ULK4: variants seen among roughly 807,000 people sequenced by gnomAD.
The protein encoded by ULK4 is unc-51 like kinase 4, also known as inactive serine/threonine-protein kinase ULK4.
A neutral mutation model predicts 160.6 loss-of-function variants in ULK4; 133 were observed. The ratio of observed to expected loss-of-function variants is 0.83; its 90% CI spans 0.72 to 0.96. ULK4 has a LOEUF of 0.96. Among genes scored for constraint, ULK4 ranks in the 40% least tolerant of loss-of-function variants. The pLI is 0.00. For synonymous variants in ULK4, 534 were observed against 539.8 expected (o/e 0.99, Z 0.15); for missense variants, 1,580 against 1,499.5 (o/e 1.05, Z -0.89).
chr3:41,658,954 C>G (rs1437102063), intron 30 of ULK4, among the ~76,000 whole-genome samples: 1 of 152,136 alleles, frequency 6.6e-6, no homozygotes, highest in Non-Finnish European at 1.5e-5. Flanking sequence ...CAAAGCGGCA[C>G]AAGGGAACTT....
intron 22 of ULK4, among the ~76,000 whole-genome samples, chr3:41,735,868 A>T (rs1477571204): frequency 3.9e-5 from 4 of 103,830 alleles, no homozygotes; most frequent in Middle Eastern, 7.4e-3. Context: ...CAGTCCCCAG[A>T]GTGTGATGTT....
rs1421646342 is a variant in ULK4 at position 41,935,846 on chromosome 3, A to C, written c.333T>G (p.His111Gln). The change falls in exon 4 of 37, where the codon CAT becomes CAG. Residue 111 changes from histidine (H) to glutamine (Q), a missense_variant. His to Gln is a conservative substitution (Grantham distance 24, BLOSUM62 0). Coordinates refer to ENST00000301831, the MANE Select transcript of ULK4 (RefSeq NM_017886.4). ...AAAAGAGAATGCCAAGTTTATGAAG[A>C]TGATGTAATCCACTAATCAGGTCAA... ...FGIDLISGLH[H>Q]LHKLGILFCD... The C allele has an allele frequency of 1.9e-6, 3 of 1,613,498 alleles. No homozygotes were observed. The highest frequency in any genetic ancestry group is 2.5e-6 in the Non-Finnish European group (3 of 1,179,808).
At chr3:41,872,634 T>C (rs1697138537) in intron 17 of ULK4, among the ~76,000 whole-genome samples, 1 of 142,976 alleles carries the variant, frequency 7.0e-6, no homozygotes, top group South Asian at 2.1e-4. Flanking sequence ...TGTTTTTATA[T>C]TCCATCCAGA....
chr3:41,914,471 G>C (rs974381239), intron 8 of ULK4, among the ~76,000 whole-genome samples: 3 of 152,196 alleles, frequency 2.0e-5, no homozygotes, highest in Admixed American at 6.5e-5. Context: ...TTGTTGCTGG[G>C]AGTGTAAATC....
chr3:41,902,455 G>A (rs1395428244), intron 12 of ULK4, among the ~76,000 whole-genome samples: 2 of 151,884 alleles, frequency 1.3e-5, no homozygotes, highest in Non-Finnish European at 2.9e-5. Flanking sequence ...GCAGGCGCCT[G>A]TAATCCCAGC....
intron 32 of ULK4, among the ~76,000 whole-genome samples, chr3:41,496,547 T>C (rs1383411423): frequency 1.3e-5 from 2 of 151,888 alleles, no homozygotes; most frequent in African/African-American, 4.8e-5. Context: ...GAGCTTGAAG[T>C]TGGAGTTTGC....
intron 21 of ULK4, among the ~76,000 whole-genome samples, chr3:41,787,037 G>C (rs985333007): frequency 1.3e-5 from 2 of 152,128 alleles, no homozygotes; most frequent in Non-Finnish European, 2.9e-5. Context: ...GACCAAGAGA[G>C]GGGCAGCCTG....
At chr3:41,509,750 C>G (rs1436779819) in intron 32 of ULK4, among the ~76,000 whole-genome samples, 1 of 152,186 alleles carries the variant, frequency 6.6e-6, no homozygotes, top group Non-Finnish European at 1.5e-5. Context: ...AGGAAAGACA[C>G]AGTCTTTTCC....
intron 31 of ULK4, among the ~76,000 whole-genome samples, chr3:41,589,034 T>C (rs77840310): frequency 0.075 from 11,409 of 152,072 alleles, 864 homozygotes; most frequent in East Asian, 0.46. Context: ...ATGGATATTC[T>C]TGGACTTCAC....
At chr3:41,953,283 CACAT>C (rs1700355717) in intron 2 of ULK4, among the ~76,000 whole-genome samples, 1 of 15,436 alleles carries the variant, frequency 6.5e-5, no homozygotes, top group African/African-American at 8.9e-5. Flanking sequence ...TACATATATA[CACAT>C]ATATATATAT....
At chr3:41,768,550 T>C (rs1167536477) in intron 21 of ULK4, among the ~76,000 whole-genome samples, 3 of 152,072 alleles carry the variant, frequency 2.0e-5, no homozygotes, top group Admixed American at 2.0e-4. Context: ...CCACATACAA[T>C]GCAACTGAGG....
intron 31 of ULK4, among the ~76,000 whole-genome samples, chr3:41,574,179 C>CA (rs1216824371): frequency 2.6e-5 from 4 of 152,146 alleles, no homozygotes; most frequent in African/African-American, 4.8e-5. Context: ...AACTCCGTCT[C>CA]AAAAAAACAA....
intron 19 of ULK4, among the ~76,000 whole-genome samples, chr3:41,805,601 T>C (rs2040617898): frequency 6.9e-6 from 1 of 143,976 alleles, no homozygotes; most frequent in East Asian, 2.0e-4. Context: ...GCCCATTCAG[T>C]ATGATACTGG....
At chr3:41,247,117 G>A (rs1686224613) in intron 36 of ULK4, 125 bp from the exon 37 acceptor site, 2 of 914,518 alleles carry the variant, frequency 2.2e-6, no homozygotes, top group Admixed American at 2.2e-5. Context: ...CATCCTCTTG[G>A]GAAGCAGAAG....
intron 17 of ULK4, among the ~76,000 whole-genome samples, chr3:41,870,809 C>G (rs763196227): frequency 6.6e-6 from 1 of 152,188 alleles, no homozygotes; most frequent in Non-Finnish European, 1.5e-5. Flanking sequence ...TCTAATATCC[C>G]TAACCCCTGG....
chr3:41,832,225 T>C (rs562307710), intron 18 of ULK4, among the ~76,000 whole-genome samples: 1 of 152,222 alleles, frequency 6.6e-6, no homozygotes, highest in Non-Finnish European at 1.5e-5. Flanking sequence ...TTTTTAATAA[T>C]TGCCATTCTG....
intron 18 of ULK4, among the ~76,000 whole-genome samples, chr3:41,827,408 C>T (rs148932987): frequency 0.25 from 38,261 of 151,270 alleles, 5,958 homozygotes; most frequent in African/African-American, 0.45. Context: ...ATTGATAGAC[C>T]ACTAGCAAGA....
At chr3:41,945,653 C>T (rs1269210371) in intron 2 of ULK4, among the ~76,000 whole-genome samples, 1 of 152,178 alleles carries the variant, frequency 6.6e-6, no homozygotes, top group Non-Finnish European at 1.5e-5. Context: ...GCATTTCCAT[C>T]CCTCCAGAAA....
intron 27 of ULK4, among the ~76,000 whole-genome samples, chr3:41,683,175 G>A (rs1454229441): frequency 6.6e-6 from 1 of 151,982 alleles, no homozygotes; most frequent in African/African-American, 2.4e-5. Context: ...TTGTTCCACT[G>A]AGCTCTCAAA....
Sources: gnomAD v4.1 joint callset for allele counts (sites outside exome capture counted in the v4.1 genomes callset) on GRCh38, gnomAD v4.1.1 for gene constraint, MANE v1.5 for transcripts, NCBI Gene and HGNC (gene_info 2026-07-23, HGNC 2026-07-21) for gene names.